SLC4A4: variants seen among roughly 807,000 people sequenced by gnomAD.
SLC4A4 encodes the protein solute carrier family 4 member 4, also known as electrogenic sodium bicarbonate cotransporter 1.
SLC4A4 carries 27 observed loss-of-function variants against 111.5 expected under a neutral mutation model. That is an observed-to-expected ratio of 0.24 (90% confidence interval 0.18 to 0.33). The LOEUF (loss-of-function observed/expected upper bound fraction) is 0.33, where lower values mean the gene tolerates loss of function less well. SLC4A4 is among the 10% of genes least tolerant of loss of function. The pLI, the probability that SLC4A4 is intolerant of heterozygous loss-of-function variation, is 1.00. For synonymous variants in SLC4A4, 443 were observed against 463.4 expected, an observed-to-expected ratio of 0.96 and a Z score of 0.57; for missense variants, 909 against 1,315.5, an observed-to-expected ratio of 0.69 and a Z score of 4.78.
At chr4:71,326,413 C>T (rs760445048) in intron 3 of SLC4A4, among the ~76,000 whole-genome samples, 35 of 152,118 alleles carry the variant, frequency 2.3e-4, no homozygotes, top group Admixed American at 1.3e-3. Context: ...CTCTCTGAGC[C>T]TCATTCCTTC....
chr4:71,214,291 A>C (rs1248152879), intron 1 of SLC4A4, among the ~76,000 whole-genome samples: 1 of 152,084 alleles, frequency 6.6e-6, no homozygotes, highest in Non-Finnish European at 1.5e-5. Context: ...CCCTGTAGGG[A>C]GGGAAGAGGT....
chr4:71,194,194 T>C (rs1290932582), intron 1 of SLC4A4, among the ~76,000 whole-genome samples: 2 of 152,214 alleles, frequency 1.3e-5, no homozygotes, highest in East Asian at 1.9e-4. Flanking sequence ...TTTTTCATTA[T>C]TAAAATAATT....
At chr4:71,338,947 G>GA in intron 3 of SLC4A4, 1 of 748,378 alleles carries the variant, frequency 1.3e-6, no homozygotes, top group South Asian at 2.0e-5. Context: ...GGACTTGGGG[G>GA]ATCTCAGGAT....
chr4:71,458,198 A>G (rs1044504774), intron 12 of SLC4A4, among the ~76,000 whole-genome samples: 3 of 152,060 alleles, frequency 2.0e-5, no homozygotes, highest in African/African-American at 7.2e-5. Context: ...ATTTATTACT[A>G]CTATTGGTTG....
chr4:71,245,147 C>A (rs967141520), intron 2 of SLC4A4, among the ~76,000 whole-genome samples: 15 of 152,138 alleles, frequency 9.9e-5, no homozygotes, highest in Non-Finnish European at 2.9e-5. Context: ...ATTTGAGAAA[C>A]AGAAATAAGG....
chr4:71,142,347 AG>A (rs924316112), intron 2 of SLC4A4, among the ~76,000 whole-genome samples: 1 of 152,226 alleles, frequency 6.6e-6, no homozygotes, highest in African/African-American at 2.4e-5. Context: ...GCAGCTTCAG[AG>A]GAGAAAGAGT....
rs117807366 is a variant in SLC4A4 at position 71,411,935 on chromosome 4, T to C, written c.807+14282T>C. Among the ~76,000 whole-genome samples the C allele has an allele frequency of 1.1e-3, 173 of 152,300 alleles. No homozygotes were observed. In the East Asian group the frequency reaches 0.017, roughly 15 times the overall value. On this transcript the variant is annotated intron_variant, in intron 7 of 25. Transcript: ENST00000264485. ...AACAACTGTACTCGAAGTGTGTCAA[T>C]TAATAGCCAGTGTAAAAGTGGAAGA...
At chr4:71,367,955 T>G (rs563472240) in intron 6 of SLC4A4, among the ~76,000 whole-genome samples, 1 of 152,340 alleles carries the variant, frequency 6.6e-6, no homozygotes, top group South Asian at 2.1e-4. Flanking sequence ...CCCTGTTGTT[T>G]GCATACTTAT....
At chr4:71,527,576 AT>A (rs1193779407) in intron 16 of SLC4A4, among the ~76,000 whole-genome samples, 5 of 151,904 alleles carry the variant, frequency 3.3e-5, no homozygotes, top group Admixed American at 6.6e-5. Context: ...CCTGGTAGTG[AT>A]TTTAGTCAAG....
chr4:71,321,787 C>A (rs1464515339), intron 3 of SLC4A4, among the ~76,000 whole-genome samples: 2 of 151,976 alleles, frequency 1.3e-5, no homozygotes, highest in Non-Finnish European at 2.9e-5. Context: ...AAGGTTTGAC[C>A]TCCCAATCCT....
chr4:71,494,384 G>A (rs574918317), intron 15 of SLC4A4, among the ~76,000 whole-genome samples: 1 of 152,042 alleles, frequency 6.6e-6, no homozygotes, highest in East Asian at 1.9e-4. Flanking sequence ...CACAATCATA[G>A]CTCACTGTAA....
chr4:71,111,000 G>A (rs1743070160), intron 2 of SLC4A4, among the ~76,000 whole-genome samples: 1 of 152,156 alleles, frequency 6.6e-6, no homozygotes, highest in Admixed American at 6.6e-5. Flanking sequence ...GGATACTTCA[G>A]AATATTAGAA....
At chr4:71,197,653 C>A (rs1746067551) in intron 1 of SLC4A4, among the ~76,000 whole-genome samples, 1 of 152,060 alleles carries the variant, frequency 6.6e-6, no homozygotes, top group Admixed American at 6.5e-5. Flanking sequence ...TGCAGCACAC[C>A]AACATGGCAC....
intron 16 of SLC4A4, among the ~76,000 whole-genome samples, chr4:71,503,598 A>G (rs1381250698): frequency 6.6e-6 from 1 of 152,056 alleles, no homozygotes; most frequent in Non-Finnish European, 1.5e-5. Flanking sequence ...CCCTCCCACA[A>G]TTTATATGTT....
intron 1 of SLC4A4, among the ~76,000 whole-genome samples, chr4:71,063,672 A>G (rs1741442241): frequency 6.6e-6 from 1 of 152,102 alleles, no homozygotes; most frequent in South Asian, 2.1e-4. Flanking sequence ...GATGAAATTT[A>G]TTGTTTCATA....
chr4:71,138,893 A>G (rs1965944), intron 2 of SLC4A4, among the ~76,000 whole-genome samples: 127,963 of 151,924 alleles, frequency 0.84, 53,960 homozygotes, highest in Admixed American at 0.89. Flanking sequence ...AAAATTAGCC[A>G]GGCGTGGTGG....
At chr4:71,065,676 T>C (rs995539798) in intron 1 of SLC4A4, among the ~76,000 whole-genome samples, 1 of 152,134 alleles carries the variant, frequency 6.6e-6, no homozygotes, top group Non-Finnish European at 1.5e-5. Context: ...TCTGGGACTT[T>C]GCGCATGTGT....
chr4:71,078,883 A>C (rs181174000), intron 1 of SLC4A4, among the ~76,000 whole-genome samples: 180 of 151,914 alleles, frequency 1.2e-3, no homozygotes, highest in African/African-American at 4.2e-3. Flanking sequence ...CAATGGCATG[A>C]TCTCTGCTCA....
rs535250530 is a variant in SLC4A4 at position 71,135,416 on chromosome 4, C to T, written c.-2+42624C>T. ...GTTCAAGAGGTTCTCCTGCCTCAGC[C>T]TCCTGAGTAGCCAGGACTACAGGCC... On this transcript the variant is annotated intron_variant, in intron 2 of 26. Transcript: ENST00000649996. 1.1e-4 allele frequency among the ~76,000 whole-genome samples: 16 copies of T among 151,944 alleles called. 1 individual carries two copies. Among genetic ancestry groups the T allele is most frequent in the East Asian group, 3.9e-4 (2 of 5,134 alleles).
Sources: gnomAD v4.1 joint callset for allele counts (sites outside exome capture counted in the v4.1 genomes callset) on GRCh38, gnomAD v4.1.1 for gene constraint, MANE v1.5 for transcripts, NCBI Gene and HGNC (gene_info 2026-07-23, HGNC 2026-07-21) for gene names.